Variants in ZNF536 observed in about 807,000 individuals in gnomAD.
ZNF536 encodes zinc finger protein 536.
In ZNF536, 13 loss-of-function variants were observed where a neutral mutation model predicts 84.5. The observed-to-expected ratio is 0.15, with a 90% confidence interval of 0.10 to 0.24. The LOEUF is 0.24. Ranked by LOEUF, ZNF536 falls within the 10% of genes least tolerant of loss-of-function variation. The probability of loss-of-function intolerance (pLI) is 1.00; values close to 1 mark genes in which losing one functional copy is unlikely to be tolerated. For missense variants in ZNF536, 1,536 were observed against 1,747.5 expected, an observed-to-expected ratio of 0.88 and a Z score of 2.16; for synonymous variants, 811 against 742.5, an observed-to-expected ratio of 1.09 and a Z score of -1.50.
At chr19:30,475,702 T>C (rs1178187346) in intron 2 of ZNF536, among the ~76,000 whole-genome samples, 1 of 152,150 alleles carries the variant, frequency 6.6e-6, no homozygotes, top group East Asian at 1.9e-4. Flanking sequence ...CCCTTCTCCA[T>C]GTCCTTCCTG....
At chr19:30,684,902 G>A (rs548721628) in intron 1 of ZNF536, among the ~76,000 whole-genome samples, 2 of 152,252 alleles carry the variant, frequency 1.3e-5, no homozygotes, top group East Asian at 3.9e-4. Context: ...TTATGTCTGG[G>A]ACACTCAAAC....
intron 1 of ZNF536, among the ~76,000 whole-genome samples, chr19:30,604,103 A>G (rs1411151050): frequency 6.6e-6 from 1 of 152,164 alleles, no homozygotes; most frequent in African/African-American, 2.4e-5. Flanking sequence ...TTAAAAAAAA[A>G]GTGTGCACAG....
intron 1 of ZNF536, among the ~76,000 whole-genome samples, chr19:30,424,855 G>A (rs951596012): frequency 3.3e-5 from 5 of 152,144 alleles, no homozygotes; most frequent in Non-Finnish European, 7.3e-5. Context: ...GGTGACCATG[G>A]TGGAGTGCCC....
rs1394212686 is a variant in ZNF536, at chr19:30,549,072, A to T, written c.3453A>T (p.Glu1151Asp). 6.2e-7 allele frequency: 1 copy of T among 1,614,148 alleles called. No homozygotes were observed. Residue 1151 changes from glutamate to aspartate, a missense_variant, in exon 4 of 5, where the codon GAA becomes GAT. Glu to Asp is a conservative substitution (Grantham distance 45). This residue lies in a region of ZNF536 where 624 missense variants were observed against 603.1 expected (regional missense o/e 1.03). Coordinates refer to ENST00000355537, the MANE Select transcript of ZNF536 (RefSeq NM_014717.3). ...AGGATGTCCCCATCCTGATCCCCGA[A>T]ACCACGAGTAAGAACACTACTGATG... ...SEEDVPILIP[E>D]TTSKNTTDDL...
chr19:30,357,986 A>G (rs4805553), intron 3 of ZNF536, among the ~76,000 whole-genome samples: 45,749 of 152,022 alleles, frequency 0.3, 7,006 homozygotes, highest in Middle Eastern at 0.46. Context: ...AGTTGCAGAC[A>G]TCTCCTGTTC....
intron 2 of ZNF536, among the ~76,000 whole-genome samples, chr19:30,346,804 A>T (rs1471530465): frequency 6.6e-6 from 1 of 152,258 alleles, no homozygotes; most frequent in Non-Finnish European, 1.5e-5. Context: ...TGCAATGAAC[A>T]TACGCATACA....
chr19:30,614,602 G>T (rs1052602707), intron 1 of ZNF536, among the ~76,000 whole-genome samples: 4 of 151,800 alleles, frequency 2.6e-5, no homozygotes, highest in African/African-American at 9.7e-5. Context: ...GAGTGACATT[G>T]AACATCTTTC....
intron 1 of ZNF536, among the ~76,000 whole-genome samples, chr19:30,398,981 G>T (rs1223341486): frequency 6.6e-6 from 1 of 152,146 alleles, no homozygotes; most frequent in Non-Finnish European, 1.5e-5. Context: ...AGATCCTTGA[G>T]GAATCGCCAC....
intron 2 of ZNF536, among the ~76,000 whole-genome samples, chr19:30,298,505 A>C (rs2046081131): frequency 6.6e-6 from 1 of 152,232 alleles, no homozygotes. Context: ...GAATCTTTAC[A>C]GCATCCTGGG....
intron 1 of ZNF536, among the ~76,000 whole-genome samples, chr19:30,437,914 G>T (rs898312679): frequency 6.6e-6 from 1 of 152,176 alleles, no homozygotes; most frequent in Non-Finnish European, 1.5e-5. Flanking sequence ...TGAACTGAAG[G>T]CCAGGGGCAA....
chr19:30,607,146 A>T (rs963320115), intron 1 of ZNF536, among the ~76,000 whole-genome samples: 4 of 152,190 alleles, frequency 2.6e-5, no homozygotes, highest in Non-Finnish European at 5.9e-5. Flanking sequence ...TTCGACGTAG[A>T]TTTTTGTCAA....
At chr19:30,305,708 G>A (rs956470022) in intron 2 of ZNF536, among the ~76,000 whole-genome samples, 1 of 152,196 alleles carries the variant, frequency 6.6e-6, no homozygotes, top group African/African-American at 2.4e-5. Context: ...TTTGGGGTTT[G>A]GGAGCCCACT....
At chr19:30,711,536 G>T (rs564461095) in exon 2 of ZNF536, 1 of 152,200 alleles carries the variant, frequency 6.6e-6, no homozygotes, top group Non-Finnish European at 1.5e-5. Flanking sequence ...ATCAATTCAC[G>T]TGGTGTTGTA....
chr19:30,460,589 T>G lies in ZNF536; in HGVS notation c.2170+14857T>G, dbSNP rs1028714708. Among the ~76,000 whole-genome samples the G allele has an allele frequency of 3.3e-5, 5 of 152,180 alleles. No individual in the cohort carries two copies. In the South Asian group the frequency reaches 1.0e-3, roughly 32 times the overall value. On this transcript the variant is annotated intron_variant, in intron 2 of 4. Coordinates refer to ENST00000355537, the MANE Select transcript of ZNF536 (RefSeq NM_014717.3). ...TCCATTCCTGCCTGTTCTCTTCTTT[T>G]TGGTAATACTGAGTCTCATCTCAGC...
At chr19:30,639,983 G>A (rs1296361198) in intron 1 of ZNF536, among the ~76,000 whole-genome samples, 5 of 152,248 alleles carry the variant, frequency 3.3e-5, no homozygotes, top group East Asian at 1.9e-4. Context: ...TGTGGCTCAC[G>A]CCTGTAATTC....
At chr19:30,285,652 C>T (rs1418070496) in intron 2 of ZNF536, among the ~76,000 whole-genome samples, 1 of 152,224 alleles carries the variant, frequency 6.6e-6, no homozygotes, top group African/African-American at 2.4e-5. Flanking sequence ...GACCCATCCA[C>T]TCCTCTAGCT....
At chr19:30,674,301 A>G (rs1315005362) in intron 1 of ZNF536, among the ~76,000 whole-genome samples, 4 of 152,198 alleles carry the variant, frequency 2.6e-5, no homozygotes, top group East Asian at 1.9e-4. Flanking sequence ...ATCCTGTGCC[A>G]TGCACCCTGT....
At chr19:30,546,121 T>G (rs1599757507) in intron 3 of ZNF536, among the ~76,000 whole-genome samples, 1 of 152,174 alleles carries the variant, frequency 6.6e-6, no homozygotes. Flanking sequence ...ATAAGCTGAA[T>G]CAGCCATGAC....
At chr19:30,511,819 C>G (rs2055425419) in intron 2 of ZNF536, among the ~76,000 whole-genome samples, 2 of 152,122 alleles carry the variant, frequency 1.3e-5, no homozygotes. Flanking sequence ...ACGTTAATGA[C>G]AAGTTAACTT....
Sources: gnomAD v4.1 joint callset for allele counts (sites outside exome capture counted in the v4.1 genomes callset) on GRCh38, gnomAD v4.1.1 for gene constraint, gnomAD v4.1.1 regional missense constraint, MANE v1.5 for transcripts, NCBI Gene and HGNC (gene_info 2026-07-23, HGNC 2026-07-21) for gene names.